TTC39B: variants seen among roughly 807,000 people sequenced by gnomAD.
TTC39B encodes tetratricopeptide repeat protein 39B.
A neutral mutation model predicts 96.6 loss-of-function variants in TTC39B; 92 were observed. That is an observed-to-expected ratio of 0.95 (90% confidence interval 0.80 to 1.13). The LOEUF (loss-of-function observed/expected upper bound fraction) is 1.13, where lower values mean the gene tolerates loss of function less well. Ranked by LOEUF, TTC39B falls within the 50% of genes most tolerant of loss-of-function variation. The pLI, the probability that TTC39B is intolerant of heterozygous loss-of-function variation, is 0.00. For synonymous variants in TTC39B, 367 were observed against 299.4 expected, an observed-to-expected ratio of 1.23 and a Z score of -2.33; for missense variants, 955 against 809.3, an observed-to-expected ratio of 1.18 and a Z score of -2.18.
At chr9:15,167,014 ATATATATATATATATTTTTTT>A (rs1817538432) in exon 20 of TTC39B, 1 of 6,568 alleles carries the variant, frequency 1.5e-4, no homozygotes, top group African/African-American at 7.9e-4. Flanking sequence ...ATATATATAT[ATATATATATATATATTTTTTT>A]TTTTTTTTTT....
chr9:15,218,195 C>CCAG (rs2131375483), intron 3 of TTC39B, among the ~76,000 whole-genome samples: 1 of 149,520 alleles, frequency 6.7e-6, no homozygotes, highest in African/African-American at 2.5e-5. Context: ...AAAAAGCACT[C>CCAG]CAGCATTTTT....
At chr9:15,213,956 A>G (rs1820352045) in intron 4 of TTC39B, among the ~76,000 whole-genome samples, 183 bp downstream of exon 4, 1 of 152,236 alleles carries the variant, frequency 6.6e-6, no homozygotes, top group South Asian at 2.1e-4. Context: ...TTTTCTATTA[A>G]TTATATTTGA....
chr9:15,181,116 A>G (rs1316673578), intron 17 of TTC39B, among the ~76,000 whole-genome samples: 3 of 152,080 alleles, frequency 2.0e-5, no homozygotes, highest in South Asian at 2.1e-4. Context: ...TTTGCCCCCA[A>G]CCAATGGGGG....
In TTC39B at chr9:15,298,326, G is replaced by T. The variant is rs74976764; in HGVS notation, c.240+8758C>A. Among the ~76,000 whole-genome samples the T allele has an allele frequency of 2.6e-5, 4 of 152,154 alleles. No homozygotes were observed. In the East Asian group the frequency reaches 7.7e-4, roughly 29 times the overall value. ...CTCTCCAGCTTGCAGACAGCATATG[G>T]TAGGGCTTCTCACGCTCCATAATTG... On this transcript the variant is annotated intron_variant, in intron 1 of 19. Transcript: ENST00000512701.
exon 16 of TTC39B, chr9:15,185,347 G>A (rs760749309): frequency 1.9e-6 from 3 of 1,613,908 alleles, no homozygotes; most frequent in South Asian, 1.1e-5. Flanking sequence ...CTTCCTCACA[G>A]CAAACTTCTC....
intron 1 of TTC39B, among the ~76,000 whole-genome samples, chr9:15,284,514 C>T (rs989238051): frequency 1.3e-5 from 2 of 152,058 alleles, no homozygotes; most frequent in Admixed American, 1.3e-4. Context: ...GTACAATTAC[C>T]CAACTCTCTT....
intron 7 of TTC39B, among the ~76,000 whole-genome samples, chr9:15,203,550 C>T (rs548077815): frequency 5.9e-5 from 9 of 152,166 alleles, no homozygotes; most frequent in African/African-American, 1.9e-4. Flanking sequence ...CGTGAGCCAC[C>T]CTGCCTGGCC....
intron 2 of TTC39B, among the ~76,000 whole-genome samples, chr9:15,258,008 C>T (rs62539790): frequency 0.013 from 1,947 of 152,028 alleles, 27 homozygotes; most frequent in Middle Eastern, 0.034. Flanking sequence ...TGCGGTGAGC[C>T]GAGTTCGTAC....
rs112236281 is a variant in TTC39B at position 15,190,680 on chromosome 9, AT to A, written c.997-19del. On this transcript the variant is annotated intron_variant, in intron 10 of 19. Coordinates refer to ENST00000512701, the Ensembl canonical transcript of TTC39B. ...CCCAACTCCTATGGGAATTAAATGC[AT>A]TTTTAGAAAGAGAACAAGACTGGAA... is the stretch of plus-strand genomic sequence containing the variant. 4.6e-3 allele frequency: 7,366 copies of A among 1,592,570 alleles called. 294 individuals carry two copies. In the African/African-American group the frequency reaches 0.086, roughly 19 times the overall value.
intron 2 of TTC39B, among the ~76,000 whole-genome samples, chr9:15,227,684 C>T (rs1821198265): frequency 6.6e-6 from 1 of 152,180 alleles, no homozygotes; most frequent in South Asian, 2.1e-4. Context: ...AAGTGACCGA[C>T]TGAAAAGGCT....
chr9:15,258,888 G>C (rs966869426), intron 2 of TTC39B, among the ~76,000 whole-genome samples: 3 of 152,122 alleles, frequency 2.0e-5, no homozygotes, highest in Non-Finnish European at 2.9e-5. Context: ...ACTCCTCATA[G>C]TGAAAAGCAG....
intron 18 of TTC39B, among the ~76,000 whole-genome samples, chr9:15,175,377 A>C (rs76660625): frequency 6.6e-6 from 1 of 152,316 alleles, no homozygotes; most frequent in South Asian, 2.1e-4. Flanking sequence ...CTGTCTCTTA[A>C]GTAAATCAGC....
At chr9:15,276,675 G>A (rs181137967) in intron 1 of TTC39B, among the ~76,000 whole-genome samples, 7 of 152,276 alleles carry the variant, frequency 4.6e-5, no homozygotes, top group Non-Finnish European at 7.4e-5. Context: ...GTAGTAGAGC[G>A]GAAAGCATAA....
chr9:15,181,815 A>C (rs777288102), intron 17 of TTC39B, among the ~76,000 whole-genome samples: 1 of 152,126 alleles, frequency 6.6e-6, no homozygotes, highest in Non-Finnish European at 1.5e-5. Flanking sequence ...CTTTTTTGTC[A>C]TAGTTTTAAG....
intron 2 of TTC39B, among the ~76,000 whole-genome samples, chr9:15,254,549 A>G (rs1276468998): frequency 6.6e-6 from 1 of 152,102 alleles, no homozygotes; most frequent in Non-Finnish European, 1.5e-5. Context: ...TTTTACTTCT[A>G]TGGGATTGTC....
At chr9:15,167,954 A>G (rs1817558633) in exon 20 of TTC39B, 1 of 152,220 alleles carries the variant, frequency 6.6e-6, no homozygotes, top group African/African-American at 2.4e-5. Context: ...TGCCAATGAC[A>G]CTGACCATCT....
chr9:15,240,362 G>A (rs1036677148), intron 2 of TTC39B, among the ~76,000 whole-genome samples: 5 of 152,188 alleles, frequency 3.3e-5, no homozygotes, highest in South Asian at 2.1e-4. Context: ...AGAAACTGGC[G>A]AATAGATAAA....
chr9:15,197,110 T>C (rs1471340610), intron 8 of TTC39B, among the ~76,000 whole-genome samples: 3 of 152,228 alleles, frequency 2.0e-5, no homozygotes, highest in Admixed American at 1.3e-4. Context: ...CAGTACAGTA[T>C]CAACGTAACT....
At position 15,188,050 on chromosome 9, in the gene TTC39B, C is replaced by T. The variant is rs758462716; in HGVS notation, c.1316G>A (p.Trp439Ter). Residue 439 changes from tryptophan to a stop codon, truncating the protein, a stop_gained, in exon 14 of 20, where the codon TGG (tryptophan) becomes TAG (stop). Coordinates refer to ENST00000512701, the Ensembl canonical transcript of TTC39B. LOFTEE classifies it high-confidence loss of function. ...CCAGTTTTGTTGGAAAACATTAATCCACATTAGCTCCCAGTAGCAGAGATG... is the reference window on the plus strand; with the variant it reads ...CCAGTTTTGTTGGAAAACATTAATCTACATTAGCTCCCAGTAGCAGAGATG... 3.1e-6 allele frequency: 5 copies of T among 1,611,994 alleles called. No individual in the cohort carries two copies. The highest frequency in any genetic ancestry group is 3.4e-6 in the Non-Finnish European group (4 of 1,179,114).
Sources: allele counts gnomAD v4.1 joint callset (sites outside exome capture counted in the v4.1 genomes callset), GRCh38; gene constraint gnomAD v4.1.1; transcripts MANE v1.5; gene names NCBI Gene and HGNC (gene_info 2026-07-23, HGNC 2026-07-21).